The following ZNF454 variants were observed in gnomAD, a reference collection of about 807,000 sequenced individuals.
The protein encoded by ZNF454 is zinc finger protein 454.
Under a neutral mutation model 48.2 loss-of-function variants are expected in ZNF454, and 30 were observed. The observed-to-expected ratio is 0.62, with a 90% confidence interval of 0.47 to 0.84. The LOEUF (loss-of-function observed/expected upper bound fraction) is 0.84. Among genes scored for constraint, ZNF454 ranks in the 40% least tolerant of loss-of-function variants. ZNF454 has a pLI of 0.00. For missense variants in ZNF454, 510 were observed against 623.1 expected, an observed-to-expected ratio of 0.82 and a Z score of 1.93; for synonymous variants, 204 against 211.4, an observed-to-expected ratio of 0.97 and a Z score of 0.30.
At chr5:178,969,420 T>C (rs1443545357), downstream of ZNF454, 1 of 455,596 alleles carries the variant, frequency 2.2e-6, no homozygotes, top group Admixed American at 2.3e-5. Flanking sequence ...AAAGAACCAG[T>C]GTTTCCTAGA....
At chr5:178,971,474 G>C in the ZNF454 span, among the ~76,000 whole-genome samples, 1 of 152,088 alleles carries the variant, frequency 6.6e-6, no homozygotes, top group South Asian at 2.1e-4. Context: ...GGGGTGTGTG[G>C]GCCTGAGAGA....
At chr5:178,971,254 G>A (rs1690740953), downstream of ZNF454, among the ~76,000 whole-genome samples, 1 of 152,234 alleles carries the variant, frequency 6.6e-6, no homozygotes, top group Admixed American at 6.5e-5. Flanking sequence ...GTGTTCAGGA[G>A]GCAGAAGACA....
At chr5:178,955,350 CT>C (rs1356632396) in intron 4 of ZNF454, among the ~76,000 whole-genome samples, 3 of 152,158 alleles carry the variant, frequency 2.0e-5, no homozygotes, top group Admixed American at 6.5e-5. Context: ...TGTAGACGCT[CT>C]TTATTAGGTT....
At chr5:178,981,561 G>T in the ZNF454 span, 1 of 963,292 alleles carries the variant, frequency 1.0e-6, no homozygotes, top group Non-Finnish European at 1.6e-6. The surrounding 1 kb of genome is among the most constrained non-coding windows in gnomAD (Gnocchi z 5.1). Flanking sequence ...CCCTGCCACT[G>T]ACTGTTCACC....
chr5:178,984,464 C>T, the ZNF454 span, among the ~76,000 whole-genome samples: 1 of 152,170 alleles, frequency 6.6e-6, no homozygotes. Context: ...GTAGTCATGG[C>T]AAAACACCTA....
chr5:178,985,681 C>G, the ZNF454 span: 196 of 389,748 alleles, frequency 5.0e-4, no homozygotes, highest in Admixed American at 1.1e-3. Context: ...CCAGCCTGGG[C>G]GACACAGCGA....
the ZNF454 span, chr5:178,975,639 G>T: frequency 2.7e-6 from 1 of 371,456 alleles, no homozygotes; most frequent in South Asian, 1.9e-5. Flanking sequence ...GTAAATTAAA[G>T]TCCTTGATTT....
At chr5:178,975,546 C>G in the ZNF454 span, 1 of 234,170 alleles carries the variant, frequency 4.3e-6, no homozygotes, top group Non-Finnish European at 9.2e-6. Flanking sequence ...ACATTCTCAA[C>G]ACAGTAGCCA....
At chr5:178,970,301 C>T (rs1009599910), downstream of ZNF454, among the ~76,000 whole-genome samples, 5 of 152,202 alleles carry the variant, frequency 3.3e-5, no homozygotes, top group Admixed American at 3.3e-4. Context: ...CTCTCACCCC[C>T]ATCTGTGTCG....
In ZNF454 at chr5:178,965,434, C is replaced by T. The variant is rs1461441361; in HGVS notation, c.1030C>T (p.Leu344Phe). The T allele has an allele frequency of 2.5e-6, 4 of 1,613,706 alleles. No homozygotes were observed. In the African/African-American group the frequency reaches 5.3e-5, roughly 22 times the overall value. The change falls in exon 5 of 5, where the codon CTT becomes TTT. Residue 344 changes from leucine to phenylalanine, a missense_variant. Coordinates refer to ENST00000519564, the MANE Select transcript of ZNF454 (RefSeq NM_001178089.3). This position sits in a 1 kb window ranked among gnomAD's most constrained non-coding sequence, Gnocchi z 5.2. Reference protein sequence around the residue: ...GKAFNQSTSFLQHQRIHTGEK... With the variant: ...GKAFNQSTSFFQHQRIHTGEK... ...AGCCTTTAATCAGAGTACAAGTTTC[C>T]TTCAGCATCAGAGAATTCACACTGG...
chr5:178,958,522 G>A (rs1238858703), intron 4 of ZNF454, among the ~76,000 whole-genome samples: 1 of 152,150 alleles, frequency 6.6e-6, no homozygotes, highest in South Asian at 2.1e-4. Flanking sequence ...TTCTAGCTTA[G>A]AGCTATTACG....
chr5:178,953,139 C>CATT (rs150545028), intron 4 of ZNF454, among the ~76,000 whole-genome samples: 74,656 of 151,562 alleles, frequency 0.49, 18,613 homozygotes, highest in South Asian at 0.57. Flanking sequence ...CAGTTTTAGA[C>CATT]ATGTATTGAA....
At position 178,946,328 on chromosome 5, in the gene ZNF454, C is replaced by G. The variant is rs1342155962; in HGVS notation, c.34-31C>G. On this transcript the variant is annotated intron_variant, in intron 2 of 4. Coordinates refer to ENST00000519564, the MANE Select transcript of ZNF454 (RefSeq NM_001178089.3). The surrounding 1 kb of genome is among the most constrained non-coding windows in gnomAD (Gnocchi z 4.5). ...AGAGAACCATGTGCAGGGGTAGCCC[C>G]TGGTCAAGGAGAATGAATTTGCTGT... 1.9e-6 allele frequency: 3 copies of G among 1,609,522 alleles called. No individual in the cohort carries two copies. In the Admixed American group the frequency reaches 5.1e-5, roughly 27 times the overall value.
chr5:178,988,840 C>T, the ZNF454 span: 1 of 1,019,342 alleles, frequency 9.8e-7, no homozygotes, highest in South Asian at 1.4e-5. The surrounding 1 kb of genome is among the most constrained non-coding windows in gnomAD (Gnocchi z 6.0). Flanking sequence ...TCAGCCTCAC[C>T]CAGCCCTTCC....
the ZNF454 span, chr5:178,981,954 G>T: frequency 1.3e-5 from 11 of 863,478 alleles, no homozygotes; most frequent in Non-Finnish European, 2.0e-5. The surrounding 1 kb of genome is among the most constrained non-coding windows in gnomAD (Gnocchi z 5.1). Context: ...GTCTGTTTCA[G>T]TTGGGGAACT....
chr5:178,945,998 G>A (rs537020181), intron 2 of ZNF454, among the ~76,000 whole-genome samples: 3 of 152,250 alleles, frequency 2.0e-5, no homozygotes, highest in East Asian at 1.9e-4. Flanking sequence ...AGTGAGCCGT[G>A]TCTATGCTGA....
the ZNF454 span, chr5:178,989,612 C>T: frequency 3.8e-5 from 24 of 637,440 alleles, no homozygotes; most frequent in African/African-American, 5.4e-5. Context: ...GTGAGCTAGG[C>T]GTGGCCAGGT....
the ZNF454 span, among the ~76,000 whole-genome samples, chr5:178,985,026 A>G: frequency 3.3e-5 from 5 of 152,138 alleles, no homozygotes; most frequent in Non-Finnish European, 7.4e-5. Context: ...TGTCTTAGGA[A>G]AATCCCCCAA....
rs746819974 is a variant in ZNF454, at chr5:178,965,948, A to G, written c.1544A>G (p.Gln515Arg). The G allele has an allele frequency of 2.9e-5, 46 of 1,589,804 alleles. No individual in the cohort carries two copies. Among genetic ancestry groups the G allele is most frequent in the Non-Finnish European group, 3.8e-5 (45 of 1,169,460 alleles). The change falls in exon 5 of 5, where the codon CAG (glutamine) becomes CGG (arginine). Residue 515 changes from glutamine (Q) to arginine (R), a missense_variant. By Grantham distance (43) the Gln-to-Arg change is conservative. This residue lies in a region of ZNF454 where 153 missense variants were observed against 195.8 expected (regional missense o/e 0.78). Coordinates refer to ENST00000519564, the MANE Select transcript of ZNF454 (RefSeq NM_001178089.3). The surrounding 1 kb of genome is among the most constrained non-coding windows in gnomAD (Gnocchi z 5.2). ...FNQTANLIQHQRHHIGEK is the reference protein window; with the variant it reads ...FNQTANLIQHRRHHIGEK Reference sequence around the variant, plus strand: ...CAGACTGCAAACCTCATTCAGCATCAGAGACATCATATTGGAGAGAAGTGA... The same window carrying G: ...CAGACTGCAAACCTCATTCAGCATCGGAGACATCATATTGGAGAGAAGTGA...
Sources: allele counts gnomAD v4.1 joint callset (sites outside exome capture counted in the v4.1 genomes callset), GRCh38; gene constraint gnomAD v4.1.1; regional missense constraint gnomAD v4.1.1; non-coding constraint Gnocchi (gnomAD v3.1); transcripts MANE v1.5; gene names NCBI Gene and HGNC (gene_info 2026-07-23, HGNC 2026-07-21).